Variants in ADAMTS20 observed in about 807,000 individuals in gnomAD.
ADAMTS20 encodes the protein A disintegrin and metalloproteinase with thrombospondin motifs 20.
Under a neutral mutation model 260.1 loss-of-function variants are expected in ADAMTS20, and 225 were observed. That is an observed-to-expected ratio of 0.87 (90% CI 0.78 to 0.97). The LOEUF (loss-of-function observed/expected upper bound fraction) is 0.97. Ranked by LOEUF, ADAMTS20 falls within the 50% of genes least tolerant of loss-of-function variation. The pLI, the probability that ADAMTS20 is intolerant of heterozygous loss-of-function variation, is 0.00. For synonymous variants in ADAMTS20, 802 were observed against 769.5 expected (o/e 1.04, Z -0.70); for missense variants, 2,400 against 2,337.7 (o/e 1.03, Z -0.55).
chr12:43,459,195 C>T (rs1446722166), intron 11 of ADAMTS20, among the ~76,000 whole-genome samples: 5 of 152,166 alleles, frequency 3.3e-5, no homozygotes, highest in African/African-American at 7.2e-5. Context: ...GCTGCCATCG[C>T]GGACCTGCTG....
intron 28 of ADAMTS20, among the ~76,000 whole-genome samples, chr12:43,413,694 T>C (rs917668099): frequency 6.6e-6 from 1 of 152,172 alleles, no homozygotes; most frequent in African/African-American, 2.4e-5. Context: ...TTAATTTCAT[T>C]GCAAGTTTCT....
At chr12:43,492,384 A>AAAAAAG (rs528013808) in intron 6 of ADAMTS20, 121 bp downstream of exon 6, 6 of 1,125,844 alleles carry the variant, frequency 5.3e-6, no homozygotes, top group East Asian at 7.3e-5. Context: ...TGTCTCAAAA[A>AAAAAAG]AAAAAGAAAA....
chr12:43,454,079 A>C (rs754249541), intron 11 of ADAMTS20, 27 bp from the exon 12 acceptor site: 30 of 1,604,100 alleles, frequency 1.9e-5, no homozygotes, highest in Non-Finnish European at 2.4e-5. Flanking sequence ...CACAAAAAGA[A>C]ATGATGTGTG....
intron 18 of ADAMTS20, among the ~76,000 whole-genome samples, chr12:43,437,573 T>C (rs1941580448): frequency 6.6e-6 from 1 of 152,062 alleles, no homozygotes; most frequent in Non-Finnish European, 1.5e-5. Flanking sequence ...AAACAAGAAC[T>C]TCAAAATTCT....
intron 38 of ADAMTS20, 64 bp downstream of exon 38, chr12:43,356,419 AC>A (rs1292300926): frequency 6.8e-6 from 7 of 1,028,986 alleles, no homozygotes; most frequent in African/African-American, 3.2e-5. Flanking sequence ...TAGGTAGAGA[AC>A]CTTTAATGCT....
chr12:43,404,072 AT>A (rs1336617646), intron 28 of ADAMTS20, among the ~76,000 whole-genome samples: 9 of 151,752 alleles, frequency 5.9e-5, no homozygotes, highest in Non-Finnish European at 1.2e-4. Flanking sequence ...TTCTTACAGA[AT>A]TTTTTTAGCA....
In ADAMTS20 at chr12:43,377,494, C is replaced by T. The variant is rs267603462; in HGVS notation, c.4866G>A (p.Lys1622=). The T allele has an allele frequency of 6.2e-7, 1 of 1,613,644 alleles. No homozygotes were observed. Among genetic ancestry groups the T allele is most frequent in the South Asian group, 1.1e-5 (1 of 91,040 alleles). The change falls in exon 32 of 39, where the codon AAG becomes AAA. Residue 1622 remains lysine (K), a synonymous_variant. Transcript: ENST00000389420. The part of the protein sequence containing the change: ...ITYCTEIPST[K]KHKLHRLRPI... ...GCCGAAGTCGATGGAGCTTATGTTT[C>T]TTAGTAGATGGGATCTCGGTGCAAT...
chr12:43,542,965 G>T (rs1439334917), intron 2 of ADAMTS20, among the ~76,000 whole-genome samples: 1 of 152,164 alleles, frequency 6.6e-6, no homozygotes, highest in South Asian at 2.1e-4. Flanking sequence ...AGTTCCAGAA[G>T]GTAGAACCAA....
At chr12:43,488,399 C>T (rs936014170) in intron 7 of ADAMTS20, among the ~76,000 whole-genome samples, 3 of 152,108 alleles carry the variant, frequency 2.0e-5, no homozygotes, top group Non-Finnish European at 4.4e-5. Context: ...GATGATGCAA[C>T]CCACACAGTG....
At chr12:43,453,129 G>A (rs934906230) in intron 12 of ADAMTS20, among the ~76,000 whole-genome samples, 2 of 151,924 alleles carry the variant, frequency 1.3e-5, no homozygotes, top group Non-Finnish European at 2.9e-5. Flanking sequence ...GGAGTTTTAT[G>A]GTATCAATCT....
intron 38 of ADAMTS20, 99 bp downstream of exon 38, chr12:43,356,380 AGTCAT>A: frequency 1.5e-6 from 1 of 659,642 alleles, no homozygotes; most frequent in Non-Finnish European, 2.6e-6. Context: ...ATATCTCTTT[AGTCAT>A]CAATTTCATA....
intron 11 of ADAMTS20, among the ~76,000 whole-genome samples, chr12:43,459,293 G>A (rs1007962873): frequency 2.6e-5 from 4 of 152,184 alleles, no homozygotes; most frequent in Non-Finnish European, 4.4e-5. Flanking sequence ...CAGGGCTAAA[G>A]GCTTGCCATT....
At chr12:43,388,698 G>A (rs1940535647) in intron 29 of ADAMTS20, among the ~76,000 whole-genome samples, 1 of 152,200 alleles carries the variant, frequency 6.6e-6, no homozygotes. Flanking sequence ...GACTCAGAGA[G>A]GTTAAAGTCC....
intron 3 of ADAMTS20, among the ~76,000 whole-genome samples, chr12:43,527,527 G>T (rs1943159858): frequency 6.6e-6 from 1 of 151,984 alleles, no homozygotes; most frequent in Admixed American, 6.6e-5. Context: ...ATCCAGGGAT[G>T]GTTTAACATA....
intron 37 of ADAMTS20, among the ~76,000 whole-genome samples, chr12:43,358,662 C>A (rs1592022905): frequency 6.6e-6 from 1 of 151,336 alleles, no homozygotes. Flanking sequence ...CACGGTGAAA[C>A]CCCGTCTCTA....
intron 28 of ADAMTS20, among the ~76,000 whole-genome samples, chr12:43,416,289 G>C (rs981779): frequency 0.32 from 48,562 of 151,504 alleles, 8,430 homozygotes; most frequent in East Asian, 0.75. Flanking sequence ...TCAGTTTACT[G>C]ATATTTTATG....
rs529063773 is a variant in ADAMTS20, at chr12:43,518,350, A to G, written c.613+13686T>C. Among the ~76,000 whole-genome samples, 34 of 152,274 alleles carry G rather than the reference A, an allele frequency of 2.2e-4. No individual in the cohort carries two copies. In the South Asian group the frequency reaches 7.0e-3, roughly 32 times the overall value. ...GTGCTTTGAATTCTTGATACCATTT[A>G]GCCAACTAATCAGTCCTACCTTCTT... On this transcript the variant is annotated intron_variant, in intron 3 of 38. Transcript: ENST00000389420.
intron 36 of ADAMTS20, among the ~76,000 whole-genome samples, chr12:43,371,145 T>C (rs1313355428): frequency 6.6e-6 from 1 of 152,216 alleles, no homozygotes; most frequent in Non-Finnish European, 1.5e-5. Context: ...TGATTTATGT[T>C]AGACAAAACT....
At chr12:43,548,013 C>T (rs746656517) in intron 2 of ADAMTS20, among the ~76,000 whole-genome samples, 1 of 152,190 alleles carries the variant, frequency 6.6e-6, no homozygotes, top group South Asian at 2.1e-4. Context: ...CACGTTATAA[C>T]CCTGTATATA....
Sources: allele counts gnomAD v4.1 joint callset (sites outside exome capture counted in the v4.1 genomes callset), GRCh38; gene constraint gnomAD v4.1.1; transcripts MANE v1.5; gene names NCBI Gene and HGNC (gene_info 2026-07-23, HGNC 2026-07-21).